Variants in ADRA1B observed in about 807,000 individuals in gnomAD.
The protein encoded by ADRA1B is alpha-1B adrenergic receptor.
ADRA1B carries 17 observed loss-of-function variants against 17.9 expected under a neutral mutation model. The observed-to-expected ratio is 0.95, with a 90% CI of 0.65 to 1.42. The LOEUF (loss-of-function observed/expected upper bound fraction) is 1.42, where lower values mean the gene tolerates loss of function less well. ADRA1B is among the 40% of genes most tolerant of loss of function. The pLI, the probability that ADRA1B is intolerant of heterozygous loss-of-function variation, is 0.00. For missense variants in ADRA1B, 681 were observed against 722.1 expected (o/e 0.94, Z 0.65); for synonymous variants, 366 against 327.6 (o/e 1.12, Z -1.27).
chr5:159,943,149 T>G (rs1755179369), intron 1 of ADRA1B, among the ~76,000 whole-genome samples: 1 of 151,604 alleles, frequency 6.6e-6, no homozygotes, highest in Admixed American at 6.6e-5. Context: ...GAGGCGGAGG[T>G]TGCAGTGAGG....
intron 1 of ADRA1B, chr5:159,950,775 G>C: frequency 3.2e-6 from 2 of 617,132 alleles, no homozygotes; most frequent in Non-Finnish European, 6.0e-6. Context: ...TGAGGTCCAT[G>C]ACTGACACGT....
At chr5:159,937,037 T>A (rs537787361) in intron 1 of ADRA1B, among the ~76,000 whole-genome samples, 7 of 152,280 alleles carry the variant, frequency 4.6e-5, no homozygotes, top group African/African-American at 1.4e-4. Context: ...AACAACTGAA[T>A]CAGAAACTGG....
At chr5:159,987,191 G>T in the ADRA1B span, among the ~76,000 whole-genome samples, 1 of 152,204 alleles carries the variant, frequency 6.6e-6, no homozygotes, top group East Asian at 1.9e-4. Flanking sequence ...TTTAAATCAC[G>T]CGTAGAGGTT....
intron 1 of ADRA1B, among the ~76,000 whole-genome samples, chr5:159,964,122 G>C (rs1397336134): frequency 6.6e-6 from 1 of 152,236 alleles, no homozygotes; most frequent in Non-Finnish European, 1.5e-5. Flanking sequence ...GATAGCACAA[G>C]AAACCGTGAG....
chr5:159,942,072 G>A (rs985824853), intron 1 of ADRA1B, among the ~76,000 whole-genome samples: 2 of 151,904 alleles, frequency 1.3e-5, no homozygotes, highest in African/African-American at 2.4e-5. Flanking sequence ...ACAGGTGCCC[G>A]CCACCACGCC....
At chr5:159,889,507 G>T (rs1342315409) in intron 1 of ADRA1B, among the ~76,000 whole-genome samples, 2 of 152,140 alleles carry the variant, frequency 1.3e-5, no homozygotes, top group Non-Finnish European at 2.9e-5. Flanking sequence ...AGTTTCCCTT[G>T]TAGCTAGGAA....
At chr5:159,967,713 G>A (rs919699343) in intron 1 of ADRA1B, among the ~76,000 whole-genome samples, 1 of 152,136 alleles carries the variant, frequency 6.6e-6, no homozygotes, top group Non-Finnish European at 1.5e-5. Context: ...GGCAAAGAAT[G>A]GCCCTTGGCT....
chr5:159,883,436 T>C (rs1312070845), intron 1 of ADRA1B, among the ~76,000 whole-genome samples: 1 of 152,226 alleles, frequency 6.6e-6, no homozygotes, highest in African/African-American at 2.4e-5. Context: ...ATCCAAGAAT[T>C]AGACTCAAAC....
intron 1 of ADRA1B, among the ~76,000 whole-genome samples, chr5:159,962,646 G>A (rs1391371303): frequency 6.7e-6 from 1 of 149,024 alleles, no homozygotes; most frequent in Non-Finnish European, 1.5e-5. Context: ...AATACGCACA[G>A]CATCTTTTGG....
the ADRA1B span, among the ~76,000 whole-genome samples, chr5:159,986,603 A>C: frequency 6.6e-6 from 1 of 151,998 alleles, no homozygotes; most frequent in East Asian, 1.9e-4. Flanking sequence ...AAAAATACCG[A>C]CTCACAGTCA....
At chr5:159,985,208 G>T in the ADRA1B span, among the ~76,000 whole-genome samples, 1 of 152,112 alleles carries the variant, frequency 6.6e-6, no homozygotes, top group Non-Finnish European at 1.5e-5. Flanking sequence ...CCCCCTAAAA[G>T]AGGCCCTGAT....
chr5:159,909,407 C>G (rs1406424727), intron 1 of ADRA1B, among the ~76,000 whole-genome samples: 1 of 152,122 alleles, frequency 6.6e-6, no homozygotes, highest in African/African-American at 2.4e-5. Flanking sequence ...TTGGATGACC[C>G]CAAGGAAAAG....
At chr5:159,920,371 AC>A (rs142523966) in intron 1 of ADRA1B, among the ~76,000 whole-genome samples, 1 of 151,212 alleles carries the variant, frequency 6.6e-6, no homozygotes, top group East Asian at 1.9e-4. Context: ...TACTCACATT[AC>A]CCCCATCGTC....
At chr5:159,938,335 T>C (rs990252024) in intron 1 of ADRA1B, among the ~76,000 whole-genome samples, 2 of 152,228 alleles carry the variant, frequency 1.3e-5, no homozygotes, top group African/African-American at 4.8e-5. Flanking sequence ...GACATCTGCA[T>C]TTCAACCAGG....
chr5:159,986,945 T>C, the ADRA1B span, among the ~76,000 whole-genome samples: 1 of 152,174 alleles, frequency 6.6e-6, no homozygotes, highest in Admixed American at 6.5e-5. Context: ...TTTCCCAATC[T>C]CTGATGGTGC....
intron 1 of ADRA1B, among the ~76,000 whole-genome samples, chr5:159,884,617 CA>C (rs1405009895): frequency 3.3e-5 from 5 of 152,154 alleles, no homozygotes; most frequent in Admixed American, 6.6e-5. Flanking sequence ...TCTGTTATAG[CA>C]GTGCAAAACA....
At position 159,951,101 on chromosome 5, in the gene ADRA1B, C is replaced by T. The variant is rs73817253; in HGVS notation, c.950-20778C>T. 12 of 738,240 alleles carry T rather than the reference C, an allele frequency of 1.6e-5. No individual in the cohort carries two copies. In the African/African-American group the frequency reaches 1.9e-4, roughly 12 times the overall value. The allele number at this position is 738,240 out of a possible 1,614,324, so 45.7% of individuals were successfully genotyped here. ...GTTGTCATACTTCTTGTGGTTCATG[C>T]CCATCACGAACATGGGGGCATCAGC... On this transcript the variant is annotated intron_variant, in intron 1 of 1. Coordinates refer to ENST00000306675, the MANE Select transcript of ADRA1B (RefSeq NM_000679.4).
intron 1 of ADRA1B, among the ~76,000 whole-genome samples, chr5:159,945,694 G>C (rs997551247): frequency 6.6e-6 from 1 of 151,978 alleles, no homozygotes; most frequent in Non-Finnish European, 1.5e-5. Context: ...AAATCATGGG[G>C]GGGTTTTGGA....
chr5:159,972,216 C>T lies in ADRA1B; in HGVS notation c.1287C>T (p.Gly429=), dbSNP rs1338606093. ...RTLPSASPSP[G]YLGRGAPPPV... is the part of the protein sequence containing the mutation. ...TGCCCTCGGCCTCGCCGAGCCCGGG[C>T]TACCTGGGCCGCGGCGCGCCACCGC... The change falls in exon 2 of 2, where the codon GGC becomes GGT. Residue 429 remains glycine (G), a synonymous_variant. Transcript: ENST00000306675. 9.6e-6 allele frequency: 13 copies of T among 1,356,000 alleles called. No homozygotes were observed. The East Asian group carries it at 3.5e-4, about 37-fold the overall frequency. The allele number at this position is 1,356,000 out of a possible 1,614,324, so 84.0% of individuals were successfully genotyped here.
Sources: gnomAD v4.1 joint callset for allele counts (sites outside exome capture counted in the v4.1 genomes callset) on GRCh38, gnomAD v4.1.1 for gene constraint, MANE v1.5 for transcripts, NCBI Gene and HGNC (gene_info 2026-07-23, HGNC 2026-07-21) for gene names.